CHRM3: variants seen among roughly 807,000 people sequenced by gnomAD.
CHRM3 encodes muscarinic acetylcholine receptor M3.
CHRM3 carries 11 observed loss-of-function variants against 41.8 expected under a neutral mutation model. The observed-to-expected ratio is 0.26, with a 90% CI of 0.17 to 0.44. The LOEUF is 0.44. Among genes scored for constraint, CHRM3 ranks in the 20% least tolerant of loss-of-function variants. CHRM3 has a pLI of 1.00. For synonymous variants in CHRM3, 297 were observed against 301.4 expected (o/e 0.99, Z 0.15); for missense variants, 571 against 745.4 (o/e 0.77, Z 2.72).
chr1:239,779,959 C>G (rs542628455), intron 5 of CHRM3, among the ~76,000 whole-genome samples: 1 of 152,232 alleles, frequency 6.6e-6, no homozygotes, highest in East Asian at 1.9e-4. Flanking sequence ...CAGTTCATGT[C>G]TTGATAGTGT....
At chr1:239,864,557 CACATAT>C (rs1558190035) in intron 6 of CHRM3, among the ~76,000 whole-genome samples, 7 of 143,058 alleles carry the variant, frequency 4.9e-5, no homozygotes, top group African/African-American at 2.1e-4. Context: ...CACACACACA[CACATAT>C]ACATATATAC....
rs1661527082 is a variant in CHRM3, at chr1:239,416,691, T to C, written c.-521+29464T>C. Reference sequence around the variant, plus strand: ...CAAGGAATATGCTCCACATATTCTATGACTGGAAGGCTAGGAGACTTTCTG... The same window carrying C: ...CAAGGAATATGCTCCACATATTCTACGACTGGAAGGCTAGGAGACTTTCTG... On this transcript the variant is annotated intron_variant, in intron 1 of 6. Coordinates refer to ENST00000676153, the MANE Select transcript of CHRM3 (RefSeq NM_001375978.1). 2.6e-5 allele frequency among the ~76,000 whole-genome samples: 4 copies of C among 152,208 alleles called. 1 individual carries two copies. The South Asian group carries it at 8.3e-4, about 32-fold the overall frequency.
chr1:239,427,098 A>G (rs1002157796), intron 1 of CHRM3, among the ~76,000 whole-genome samples: 3 of 152,180 alleles, frequency 2.0e-5, no homozygotes, highest in Non-Finnish European at 4.4e-5. Context: ...GTGTGTGAAA[A>G]TTGGAAAAAG....
At chr1:239,697,032 A>T (rs1660259840) in intron 5 of CHRM3, among the ~76,000 whole-genome samples, 2 of 152,346 alleles carry the variant, frequency 1.3e-5, no homozygotes, top group Non-Finnish European at 2.9e-5. Context: ...CAGGGAACTA[A>T]GGATGATTAT....
At chr1:239,843,447 C>CTTTTTTTTTTTTTTTTT (rs34901177) in intron 6 of CHRM3, among the ~76,000 whole-genome samples, 1 of 81,226 alleles carries the variant, frequency 1.2e-5, no homozygotes, top group African/African-American at 4.6e-5. Context: ...ACTCGCTTTC[C>CTTTTTTTTTTTTTTTTT]TTTTTTTTTT....
intron 3 of CHRM3, among the ~76,000 whole-genome samples, chr1:239,574,226 C>G (rs966200710): frequency 1.3e-5 from 2 of 152,164 alleles, no homozygotes; most frequent in Non-Finnish European, 2.9e-5. Flanking sequence ...CCCCTATACT[C>G]AGATCCCTGC....
intron 4 of CHRM3, among the ~76,000 whole-genome samples, chr1:239,640,730 T>A (rs1671037510): frequency 6.6e-6 from 1 of 150,960 alleles, no homozygotes; most frequent in African/African-American, 2.4e-5. Context: ...CTGGATTCAT[T>A]AATTTTTTGA....
At chr1:239,693,252 T>C (rs1231905230) in intron 5 of CHRM3, among the ~76,000 whole-genome samples, 1 of 152,152 alleles carries the variant, frequency 6.6e-6, no homozygotes, top group Non-Finnish European at 1.5e-5. Context: ...GTCTGAATTT[T>C]GAAACTCCCC....
intron 5 of CHRM3, among the ~76,000 whole-genome samples, chr1:239,751,038 G>A (rs900252859): frequency 6.6e-6 from 1 of 151,952 alleles, no homozygotes; most frequent in Non-Finnish European, 1.5e-5. Flanking sequence ...GACCAGTCTA[G>A]CCAACATGGT....
intron 5 of CHRM3, chr1:239,704,666 C>T (rs1660978818): frequency 6.6e-6 from 1 of 152,076 alleles, no homozygotes; most frequent in Non-Finnish European, 1.5e-5. Flanking sequence ...TTAGCCCTTC[C>T]CCCAAGGGAC....
rs190509859 is a variant in CHRM3, at chr1:239,620,330, C to T, written c.-312-11894C>T. 5.0e-3 allele frequency among the ~76,000 whole-genome samples: 769 copies of T among 152,288 alleles called. 10 individuals carry two copies. The highest frequency in any genetic ancestry group is 0.018 in the African/African-American group (750 of 41,564). On this transcript the variant is annotated intron_variant, in intron 3 of 6. Transcript: ENST00000676153. The stretch of plus-strand genomic sequence containing the variant: ...CAGAACCTTGGCCAAAGATTGTTTT[C>T]AGTCCGCCTTTGGTGCAAGACTGTG...
intron 4 of CHRM3, among the ~76,000 whole-genome samples, chr1:239,652,153 G>T (rs138758659): frequency 6.6e-6 from 1 of 152,004 alleles, no homozygotes; most frequent in Non-Finnish European, 1.5e-5. Context: ...CCACTGAGCC[G>T]GTGTATACCT....
At chr1:239,896,092 G>A (rs1050315284) in intron 6 of CHRM3, among the ~76,000 whole-genome samples, 2 of 152,222 alleles carry the variant, frequency 1.3e-5, no homozygotes, top group South Asian at 4.1e-4. Flanking sequence ...TTGAGTAGGT[G>A]AAGATGAAAG....
chr1:239,681,142 T>C (rs1658521313), intron 5 of CHRM3, among the ~76,000 whole-genome samples: 1 of 152,058 alleles, frequency 6.6e-6, no homozygotes, highest in Admixed American at 6.6e-5. Flanking sequence ...TCCCCCTGGG[T>C]CCCTCCCGCA....
intron 4 of CHRM3, among the ~76,000 whole-genome samples, chr1:239,655,524 A>G (rs1005048336): frequency 9.9e-5 from 15 of 152,192 alleles, no homozygotes; most frequent in African/African-American, 3.4e-4. Context: ...TAGTTTCAAG[A>G]TATTTTCATA....
chr1:239,556,886 T>A (rs1285604494), intron 3 of CHRM3, among the ~76,000 whole-genome samples: 1 of 152,220 alleles, frequency 6.6e-6, no homozygotes, highest in African/African-American at 2.4e-5. Flanking sequence ...AAATGCGTGT[T>A]CGTTAAATGG....
intron 3 of CHRM3, among the ~76,000 whole-genome samples, chr1:239,617,620 G>C (rs2148789920): frequency 6.6e-6 from 1 of 152,276 alleles, no homozygotes; most frequent in South Asian, 2.1e-4. Flanking sequence ...TGTAGTCCCA[G>C]CTACCCAGGA....
chr1:239,449,688 A>G (rs1664419063), intron 1 of CHRM3, among the ~76,000 whole-genome samples: 1 of 151,830 alleles, frequency 6.6e-6, no homozygotes, highest in Admixed American at 6.6e-5. Context: ...TAAAGCTGAG[A>G]CCTAATTTTC....
chr1:239,715,912 A>T (rs1196021112), intron 5 of CHRM3, among the ~76,000 whole-genome samples: 1 of 152,090 alleles, frequency 6.6e-6, no homozygotes, highest in African/African-American at 2.4e-5. Context: ...GGAGATGTGG[A>T]AGGAAATTTG....
Sources: allele counts gnomAD v4.1 joint callset (sites outside exome capture counted in the v4.1 genomes callset), GRCh38; gene constraint gnomAD v4.1.1; transcripts MANE v1.5; gene names NCBI Gene and HGNC (gene_info 2026-07-23, HGNC 2026-07-21).